PRKN: variants seen among roughly 807,000 people sequenced by gnomAD.
The protein encoded by PRKN is E3 ubiquitin-protein ligase parkin.
Under a neutral mutation model 59.5 loss-of-function variants are expected in PRKN, and 56 were observed. The ratio of observed to expected loss-of-function variants is 0.94; its 90% confidence interval spans 0.76 to 1.18. The LOEUF is 1.18. Among genes scored for constraint, PRKN ranks in the 50% most tolerant of loss-of-function variants. PRKN has a pLI of 0.00. For missense variants in PRKN, 657 were observed against 596.4 expected, an observed-to-expected ratio of 1.10 and a Z score of -1.06; for synonymous variants, 250 against 222.1, an observed-to-expected ratio of 1.13 and a Z score of -1.12.
intron 6 of PRKN, among the ~76,000 whole-genome samples, chr6:161,862,028 G>T (rs1443709375): frequency 6.6e-6 from 1 of 152,074 alleles, no homozygotes; most frequent in Non-Finnish European, 1.5e-5. Context: ...CTGGATTTGG[G>T]CCACATCACT....
chr6:161,575,398 C>T lies in PRKN; in HGVS notation c.872-5982G>A, dbSNP rs984336269. 1.3e-5 allele frequency among the ~76,000 whole-genome samples: 2 copies of T among 152,036 alleles called. No individual in the cohort carries two copies. Among genetic ancestry groups the T allele is most frequent in the Non-Finnish European group, 2.9e-5 (2 of 67,984 alleles). On this transcript the variant is annotated intron_variant, in intron 7 of 11. Coordinates refer to ENST00000366898, the MANE Select transcript of PRKN (RefSeq NM_004562.3). The surrounding 1 kb of genome is among the most constrained non-coding windows in gnomAD (Gnocchi z 4.6). ...ACTGACAGCTACTGAGAAAAAGCAA[C>T]CCCAAACAAAACAAAACAAAACAAA...
chr6:161,472,067 T>C (rs1790818005), intron 9 of PRKN, among the ~76,000 whole-genome samples: 1 of 152,168 alleles, frequency 6.6e-6, no homozygotes, highest in Non-Finnish European at 1.5e-5. Flanking sequence ...GAAGGACACA[T>C]GCATGTTTGG....
At position 161,468,869 on chromosome 6, in the gene PRKN, C is replaced by T. The variant is rs76523704; in HGVS notation, c.1083+79985G>A. Among the ~76,000 whole-genome samples the T allele has an allele frequency of 2.0e-3, 297 of 152,274 alleles. 8 individuals are homozygous for T. In the East Asian group the frequency reaches 0.052, roughly 27 times the overall value. On this transcript the variant is annotated intron_variant, in intron 9 of 11. Coordinates refer to ENST00000366898, the MANE Select transcript of PRKN (RefSeq NM_004562.3). This position sits in a 1 kb window ranked among gnomAD's most constrained non-coding sequence, Gnocchi z 5.9. ...AGCCTATACACCTGTCAGTCCTTCC[C>T]ATAAGACATACTCAACACCAACCTG...
chr6:161,398,005 C>T (rs1786846958), intron 9 of PRKN, among the ~76,000 whole-genome samples: 2 of 152,252 alleles, frequency 1.3e-5, no homozygotes, highest in South Asian at 2.1e-4. Context: ...AATGAAGACG[C>T]TAGCCAGAGA....
At chr6:162,441,236 A>C (rs741982) in intron 2 of PRKN, among the ~76,000 whole-genome samples, 84,853 of 151,878 alleles carry the variant, frequency 0.56, 24,762 homozygotes, top group African/African-American at 0.72. Flanking sequence ...CTATGGCATG[A>C]CATTTTTCTC....
At chr6:162,535,389 C>CAT (rs1778672896) in intron 1 of PRKN, among the ~76,000 whole-genome samples, 2 of 152,010 alleles carry the variant, frequency 1.3e-5, no homozygotes, top group Admixed American at 1.3e-4. Context: ...CTTTCTTCAT[C>CAT]ATATATATGC....
At chr6:162,269,092 A>C (rs935589495) in intron 2 of PRKN, among the ~76,000 whole-genome samples, 1 of 152,174 alleles carries the variant, frequency 6.6e-6, no homozygotes, top group African/African-American at 2.4e-5. Flanking sequence ...GGTATAGGTG[A>C]GCTGGTAACA....
intron 3 of PRKN, among the ~76,000 whole-genome samples, chr6:162,244,651 C>CA (rs1562609227): frequency 2.0e-5 from 3 of 150,682 alleles, no homozygotes; most frequent in Non-Finnish European, 4.4e-5. Context: ...AAGATTTTAC[C>CA]AAAAAAATAA....
intron 9 of PRKN, among the ~76,000 whole-genome samples, chr6:161,510,698 A>G (rs1778352711): frequency 6.6e-6 from 1 of 152,262 alleles, no homozygotes; most frequent in South Asian, 2.1e-4. Context: ...ATGTTACTCC[A>G]GCAGAAGTTA....
At chr6:162,479,754 T>A (rs57009525) in intron 1 of PRKN, among the ~76,000 whole-genome samples, 1 of 144,866 alleles carries the variant, frequency 6.9e-6, no homozygotes, top group Non-Finnish European at 1.5e-5. Flanking sequence ...TTTACAGTTA[T>A]CTGTTTTTTT....
intron 6 of PRKN, among the ~76,000 whole-genome samples, chr6:161,894,888 G>A (rs1441233879): frequency 1.3e-5 from 2 of 152,196 alleles, no homozygotes; most frequent in Non-Finnish European, 2.9e-5. Flanking sequence ...ATTTGGTCCT[G>A]TTCTAAAGTC....
intron 7 of PRKN, among the ~76,000 whole-genome samples, chr6:161,719,590 G>A (rs1179976160): frequency 6.6e-6 from 1 of 152,124 alleles, no homozygotes; most frequent in Middle Eastern, 3.2e-3. Context: ...GGAATAAAAT[G>A]AATTGAATAT....
intron 1 of PRKN, among the ~76,000 whole-genome samples, chr6:162,695,418 C>T (rs949388965): frequency 2.0e-5 from 3 of 151,992 alleles, no homozygotes; most frequent in Non-Finnish European, 4.4e-5. Context: ...TCCTATTATT[C>T]CTACTAAAAT....
chr6:162,134,026 T>C (rs1781475626), intron 4 of PRKN, among the ~76,000 whole-genome samples: 1 of 152,204 alleles, frequency 6.6e-6, no homozygotes, highest in Non-Finnish European at 1.5e-5. Flanking sequence ...TGGGAGATGC[T>C]ACAACAAGAT....
intron 3 of PRKN, among the ~76,000 whole-genome samples, chr6:162,212,235 C>A (rs1379157332): frequency 6.6e-6 from 1 of 152,008 alleles, no homozygotes; most frequent in East Asian, 1.9e-4. Context: ...CTGAGCTATC[C>A]CATCTTCTGC....
chr6:162,463,746 C>T (rs982678033), intron 1 of PRKN, among the ~76,000 whole-genome samples: 2 of 152,150 alleles, frequency 1.3e-5, no homozygotes, highest in African/African-American at 2.4e-5. Context: ...TTAGATTGGG[C>T]ACCAGCTGAG....
chr6:162,061,817 G>A (rs779326493), intron 4 of PRKN, among the ~76,000 whole-genome samples: 2 of 152,108 alleles, frequency 1.3e-5, no homozygotes, highest in Non-Finnish European at 2.9e-5. Context: ...GAGAATAATC[G>A]CTTTTCTTGT....
At position 162,236,260 on chromosome 6, in the gene PRKN, T is replaced by C. The variant is rs142602226; in HGVS notation, c.412+26265A>G. 2.3e-3 allele frequency among the ~76,000 whole-genome samples: 354 copies of C among 152,286 alleles called. 4 individuals are homozygous for C. Among genetic ancestry groups the C allele is most frequent in the African/African-American group, 8.3e-3 (343 of 41,572 alleles). ...CAATTCCTATCCTTTGCCTCAACAA[T>C]GATTAGCTGGATTGCTTGTCCCTAC... On this transcript the variant is annotated intron_variant, in intron 3 of 11. Transcript: ENST00000366898.
chr6:161,997,329 A>G (rs1173128066), intron 5 of PRKN, among the ~76,000 whole-genome samples: 1 of 152,152 alleles, frequency 6.6e-6, no homozygotes, highest in Non-Finnish European at 1.5e-5. Context: ...AACAGGAGGT[A>G]TAAAAATCAG....
Sources: allele counts gnomAD v4.1 joint callset (sites outside exome capture counted in the v4.1 genomes callset), GRCh38; gene constraint gnomAD v4.1.1; non-coding constraint Gnocchi (gnomAD v3.1); transcripts MANE v1.5; gene names NCBI Gene and HGNC (gene_info 2026-07-23, HGNC 2026-07-21).